Variants in ARSJ observed in about 807,000 individuals in gnomAD.
ARSJ encodes the protein arylsulfatase J.
In ARSJ, 26 loss-of-function variants were observed where a neutral mutation model predicts 35.9. The ratio of observed to expected loss-of-function variants is 0.72; its 90% CI spans 0.53 to 1.00. The LOEUF (loss-of-function observed/expected upper bound fraction) is 1.00. ARSJ is among the 50% of genes least tolerant of loss of function. The pLI is 0.00. For missense variants in ARSJ, 667 were observed against 723.6 expected (o/e 0.92, Z 0.90); for synonymous variants, 294 against 267.6 (o/e 1.10, Z -0.96).
chr4:113,961,570 G>C (rs990944353), intron 1 of ARSJ, among the ~76,000 whole-genome samples: 1 of 152,072 alleles, frequency 6.6e-6, no homozygotes, highest in African/African-American at 2.4e-5. Context: ...TACAACTTAT[G>C]CAGGTTGGCC....
At chr4:113,927,712 T>G (rs564922949) in intron 1 of ARSJ, among the ~76,000 whole-genome samples, 1 of 152,188 alleles carries the variant, frequency 6.6e-6, no homozygotes, top group African/African-American at 2.4e-5. Context: ...TACTTGGTTA[T>G]GCTTAGGAGA....
chr4:113,937,278 G>A (rs1350964243), intron 1 of ARSJ, among the ~76,000 whole-genome samples: 2 of 151,908 alleles, frequency 1.3e-5, no homozygotes, highest in African/African-American at 4.8e-5. Flanking sequence ...GTAGTGACAC[G>A]TAAGAACACG....
Position 113,978,679 on chromosome 4 carries a change from C to G in ARSJ, c.156G>C (p.Glu52Asp), listed in dbSNP as rs1228469301. Residue 52 changes from glutamate (E) to aspartate (D), a missense_variant, in exon 1 of 2, where the codon GAG becomes GAC. Glu to Asp is a conservative substitution (Grantham distance 45). Transcript: ENST00000315366. The stretch of plus-strand genomic sequence containing the variant: ...GAGCTAGTAAGGCCCCTTCTTCCTC[C>G]TCTTCTAAGGCCTGGCCCCAGGACA... ...GYLSWGQALE[E>D]EEEGALLAQA... is the part of the protein sequence containing the mutation. 2 of 1,614,254 alleles carry G rather than the reference C, an allele frequency of 1.2e-6. No homozygotes were observed. Among genetic ancestry groups the G allele is most frequent in the South Asian group, 1.1e-5 (1 of 91,090 alleles).
intron 1 of ARSJ, among the ~76,000 whole-genome samples, chr4:113,933,527 G>T (rs1214777091): frequency 1.3e-5 from 2 of 151,776 alleles, no homozygotes; most frequent in Non-Finnish European, 2.9e-5. Context: ...TCATCCTAGG[G>T]ATGCAAGGAT....
At chr4:113,955,507 C>T (rs968035487) in intron 1 of ARSJ, among the ~76,000 whole-genome samples, 2 of 151,700 alleles carry the variant, frequency 1.3e-5, no homozygotes, top group Admixed American at 6.6e-5. Flanking sequence ...GCTGTGCCAC[C>T]GTTTTTATTA....
chr4:113,938,436 C>G (rs376413766), intron 1 of ARSJ, among the ~76,000 whole-genome samples: 2 of 152,018 alleles, frequency 1.3e-5, no homozygotes, highest in African/African-American at 2.4e-5. Flanking sequence ...CATAAAAACC[C>G]TAGAAGAAAA....
intron 1 of ARSJ, among the ~76,000 whole-genome samples, chr4:113,904,829 G>A (rs944821177): frequency 1.3e-5 from 2 of 152,104 alleles, no homozygotes; most frequent in Non-Finnish European, 2.9e-5. Context: ...CGAGATAGAG[G>A]TTTCTGACTA....
intron 1 of ARSJ, among the ~76,000 whole-genome samples, chr4:113,921,744 T>C (rs545752206): frequency 6.6e-6 from 1 of 152,262 alleles, no homozygotes; most frequent in African/African-American, 2.4e-5. Context: ...CAGCTTTCTT[T>C]TTTGCAAACT....
chr4:113,942,346 A>G (rs1248998576), intron 1 of ARSJ, among the ~76,000 whole-genome samples: 1 of 152,070 alleles, frequency 6.6e-6, no homozygotes, highest in Non-Finnish European at 1.5e-5. Context: ...TCCTACTGCT[A>G]AATAAAACCA....
At chr4:113,940,346 G>A (rs1194891936) in intron 1 of ARSJ, among the ~76,000 whole-genome samples, 10 of 152,102 alleles carry the variant, frequency 6.6e-5, no homozygotes. Flanking sequence ...GCAGGGACAT[G>A]GATGGAGCTG....
In ARSJ at chr4:113,901,925, G is replaced by A. The variant is rs1356499753; in HGVS notation, c.*349C>T. 3 of 336,386 alleles carry A rather than the reference G, an allele frequency of 8.9e-6. No individual in the cohort carries two copies. Among genetic ancestry groups the A allele is most frequent in the Admixed American group, 4.3e-5 (1 of 23,418 alleles). 20.8% of individuals were successfully genotyped at this position (336,386 alleles called of 1,614,324 possible). On this transcript the variant is annotated 3_prime_UTR_variant, in exon 2 of 2. Transcript: ENST00000315366. The stretch of plus-strand genomic sequence containing the variant: ...CCTGTAACTTCCATCAAATTAGCAT[G>A]CTTGCGGATGGTAGGTTATTGTTCT...
chr4:113,944,110 G>A (rs146628413), intron 1 of ARSJ: 1 of 152,242 alleles, frequency 6.6e-6, no homozygotes, highest in East Asian at 1.9e-4. Context: ...TGTGGTTTGG[G>A]CTGTGGCTTC....
chr4:113,913,933 C>T (rs561677166), intron 1 of ARSJ, among the ~76,000 whole-genome samples: 9 of 152,032 alleles, frequency 5.9e-5, no homozygotes, highest in Middle Eastern at 6.8e-3. Context: ...GAATCCTCAA[C>T]GTAAGATATA....
intron 1 of ARSJ, among the ~76,000 whole-genome samples, chr4:113,918,780 A>T (rs567282839): frequency 9.2e-5 from 14 of 152,212 alleles, no homozygotes; most frequent in Admixed American, 2.6e-4. Context: ...ATGCTGTAGT[A>T]AGATGAAAAA....
intron 1 of ARSJ, among the ~76,000 whole-genome samples, chr4:113,962,393 A>C (rs1454772815): frequency 6.6e-6 from 1 of 152,068 alleles, no homozygotes; most frequent in Non-Finnish European, 1.5e-5. Context: ...AGAAACAAAG[A>C]CTATTATTTA....
chr4:113,966,562 A>G (rs1726906594), intron 1 of ARSJ, among the ~76,000 whole-genome samples: 1 of 152,154 alleles, frequency 6.6e-6, no homozygotes, highest in Non-Finnish European at 1.5e-5. Context: ...CTAATTCTCA[A>G]TGGAATTTTG....
chr4:113,978,963 T>G lies in ARSJ; in HGVS notation c.-129A>C. The G allele has an allele frequency of 1.0e-6, 1 of 986,046 alleles. No individual in the cohort carries two copies. The highest frequency in any genetic ancestry group is 1.5e-6 in the Non-Finnish European group (1 of 676,102). The allele number at this position is 986,046 out of a possible 1,614,324, so 61.1% of individuals were successfully genotyped here. ...AGAAATCCTCCTCTCCTCTCAGCTG[T>G]CACCATGTCCGACAACTTTAATCTT... is the stretch of plus-strand genomic sequence containing the variant. On this transcript the variant is annotated 5_prime_UTR_variant, in exon 1 of 2. Transcript: ENST00000315366.
chr4:113,906,644 AG>A (rs1396265285), intron 1 of ARSJ: 11 of 440,698 alleles, frequency 2.5e-5, no homozygotes, highest in Non-Finnish European at 3.2e-5. Flanking sequence ...TTAAGGGTGT[AG>A]GTTTTGGAAT....
At chr4:113,913,701 A>AT (rs1723095625) in intron 1 of ARSJ, among the ~76,000 whole-genome samples, 1 of 152,172 alleles carries the variant, frequency 6.6e-6, no homozygotes, top group Non-Finnish European at 1.5e-5. Context: ...TAATATTTGT[A>AT]TTTTTCTTGC....
Sources: gnomAD v4.1 joint callset for allele counts (sites outside exome capture counted in the v4.1 genomes callset) on GRCh38, gnomAD v4.1.1 for gene constraint, MANE v1.5 for transcripts, NCBI Gene and HGNC (gene_info 2026-07-23, HGNC 2026-07-21) for gene names.